Variants in FAM136A observed in about 807,000 individuals in gnomAD.
FAM136A encodes the protein TIM double twin CX3C motif chaperone.
FAM136A carries 25 observed loss-of-function variants against 21.6 expected under a neutral mutation model. The observed-to-expected ratio is 1.16, with a 90% CI of 0.84 to 1.62. FAM136A has a LOEUF of 1.62. Among genes scored for constraint, FAM136A ranks in the 40% most tolerant of loss-of-function variants. The probability of loss-of-function intolerance (pLI) is 0.00; values close to 1 mark genes in which losing one functional copy is unlikely to be tolerated. For synonymous variants in FAM136A, 119 were observed against 129.4 expected (o/e 0.92, Z 0.55); for missense variants, 338 against 332.0 (o/e 1.02, Z -0.14).
At position 70,301,752 on chromosome 2, in the gene FAM136A, G is replaced by C. The variant is rs1382811709; in HGVS notation, c.260C>G (p.Ser87Trp). ...CGGCAAGGGCACACGGATTTCATCC[G>C]ATCCGCCAAAGCTTCCGAAGTCCTG... ...LGQDFGSFGG[S>W]DEIRVPLPCA... The change falls in exon 1 of 3, where the codon TCG becomes TGG. Residue 87 changes from serine (S) to tryptophan (W), a missense_variant. Physicochemically the swap from Ser to Trp is radical, Grantham distance 177. Coordinates refer to ENST00000430566, the MANE Select transcript of FAM136A (RefSeq NM_001329752.2). The C allele has an allele frequency of 6.5e-7, 1 of 1,541,352 alleles. No individual in the cohort carries two copies. Among genetic ancestry groups the C allele is most frequent in the Non-Finnish European group, 8.7e-7 (1 of 1,146,420 alleles).
intron 2 of FAM136A, 109 bp from the exon 3 acceptor site, chr2:70,297,586 G>T: frequency 1.1e-6 from 1 of 936,180 alleles, no homozygotes; most frequent in Non-Finnish European, 1.5e-6. Flanking sequence ...TATTATCTTG[G>T]TCAATTAAAG....
chr2:70,298,216 C>A (rs1304384905), intron 2 of FAM136A, among the ~76,000 whole-genome samples: 1 of 152,130 alleles, frequency 6.6e-6, no homozygotes, highest in African/African-American at 2.4e-5. Flanking sequence ...CCTCAGCCTC[C>A]TGAGTAGCTA....
Position 70,297,215 on chromosome 2 carries a change from A to G in FAM136A, c.*74T>C. ...TTTCTTCATTCGTAAACTTTGCTTA[A>G]AAGACTAAAATTCCCAATTCCTTAT... is the stretch of plus-strand genomic sequence containing the variant. On this transcript the variant is annotated 3_prime_UTR_variant, in exon 3 of 3. Transcript: ENST00000430566. 1.3e-6 allele frequency: 2 copies of G among 1,493,604 alleles called. No individual in the cohort carries two copies. The highest frequency in any genetic ancestry group is 2.1e-5 in the Admixed American group (1 of 47,442). The allele number at this position is 1,493,604 out of a possible 1,614,324, so 92.5% of individuals were successfully genotyped here.
At chr2:70,297,617 C>A in intron 2 of FAM136A, 140 bp from the exon 3 acceptor site, 1 of 543,228 alleles carries the variant, frequency 1.8e-6, no homozygotes. Context: ...GTGTGATTGG[C>A]CAAGTTTTTT....
intron 2 of FAM136A, among the ~76,000 whole-genome samples, chr2:70,299,911 T>A (rs1006069414): frequency 1.3e-5 from 2 of 150,334 alleles, no homozygotes; most frequent in East Asian, 2.0e-4. Context: ...TTATTTATTT[T>A]TTTTTGAGAC....
In FAM136A at chr2:70,301,618, G is replaced by A. The variant is rs1407902056; in HGVS notation, c.394C>T (p.Arg132Trp). The A allele has an allele frequency of 2.6e-6, 4 of 1,535,958 alleles. No individual in the cohort carries two copies. Among genetic ancestry groups the A allele is most frequent in the East Asian group, 4.9e-5 (2 of 40,906 alleles). Reference sequence around the variant, plus strand: ...GGGCCGCTCACCTGCGGAAGGGGCCGCGTAAGAGGGGAAGGTGGTGGGGCG... The same window carrying A: ...GGGCCGCTCACCTGCGGAAGGGGCCACGTAAGAGGGGAAGGTGGTGGGGCG... The part of the protein sequence containing the change: ...ALAPPPSPLT[R>W]PLPQGLMFRC... Residue 132 changes from arginine to tryptophan, a missense_variant, in exon 1 of 3, where the codon CGG (arginine) becomes TGG (tryptophan). Transcript: ENST00000430566.
Position 70,300,888 on chromosome 2 carries a change from A to T in FAM136A, c.501T>A (p.Pro167=). 6.2e-7 allele frequency: 1 copy of T among 1,613,546 alleles called. No individual in the cohort carries two copies. The highest frequency in any genetic ancestry group is 8.5e-7 in the Non-Finnish European group (1 of 1,179,462). Residue 167 remains proline, a synonymous_variant, in exon 2 of 3, where the codon CCT becomes CCA. Coordinates refer to ENST00000430566, the MANE Select transcript of FAM136A (RefSeq NM_001329752.2). ...TGACCAAAGCCTGGGCTTGAGCCAG[A>T]GGCACATGGCAGCGCTCGATGCACT... is the stretch of plus-strand genomic sequence containing the variant. ...VHQCIERCHV[P]LAQAQALVTS...
chr2:70,301,451 GC>G (rs1559054536), intron 1 of FAM136A, 152 bp downstream of exon 1: 1 of 1,535,530 alleles, frequency 6.5e-7, no homozygotes, highest in African/African-American at 1.4e-5. Context: ...GCATTGCGGG[GC>G]TCAGAGAAGA....
chr2:70,301,689 T>C lies in FAM136A; in HGVS notation c.323A>G (p.Gln108Arg), dbSNP rs892551589. ...RLFSAPSSPG[Q>R]ERPRRQVGSP... ...TCCCACCTGCCGCCGAGGACGCTCC[T>C]GCCCCGGGCTGGAAGGGGCGGAAAA... Residue 108 changes from glutamine (Q) to arginine (R), a missense_variant, in exon 1 of 3, where the codon CAG becomes CGG. Physicochemically the swap from Gln to Arg is conservative, Grantham distance 43. Coordinates refer to ENST00000430566, the MANE Select transcript of FAM136A (RefSeq NM_001329752.2). 1.3e-6 allele frequency: 2 copies of C among 1,535,196 alleles called. No homozygotes were observed. The highest frequency in any genetic ancestry group is 4.9e-5 in the East Asian group (2 of 40,904).
chr2:70,301,183 G>C, intron 1 of FAM136A: 1 of 776,304 alleles, frequency 1.3e-6, no homozygotes, highest in Non-Finnish European at 2.0e-6. Flanking sequence ...AGTGTTTCAT[G>C]GTGTCCTTGC....
chr2:70,301,817 G>A lies in FAM136A; in HGVS notation c.195C>T (p.Thr65=). 1 of 1,548,688 alleles carries A rather than the reference G, an allele frequency of 6.5e-7. No individual in the cohort carries two copies. Among genetic ancestry groups the A allele is most frequent in the Non-Finnish European group, 8.7e-7 (1 of 1,145,774 alleles). Residue 65 remains threonine, a synonymous_variant, in exon 1 of 3, where the codon ACC becomes ACT. Coordinates refer to ENST00000430566, the MANE Select transcript of FAM136A (RefSeq NM_001329752.2). ...GGCGACCCCAGGGCCGCCCACACCCGGTCTGCGGGGACGCGGCTGCAGTGC... is the reference window on the plus strand; with the variant it reads ...GGCGACCCCAGGGCCGCCCACACCCAGTCTGCGGGGACGCGGCTGCAGTGC... ...TPCTAAASPQ[T]GCGRPWGRRG... is the part of the protein sequence containing the mutation.
chr2:70,301,584 C>CT lies in FAM136A; in HGVS notation c.408+19dup. ...GTCTTTCACGTTGGCAGCGCCTCTG[C>CT]TGGGCCTCGGGCCGCTCACCTGCGG... is the stretch of plus-strand genomic sequence containing the variant. On this transcript the variant is annotated intron_variant, in intron 1 of 2. Coordinates refer to ENST00000430566, the MANE Select transcript of FAM136A (RefSeq NM_001329752.2). The CT allele has an allele frequency of 6.5e-7, 1 of 1,535,996 alleles. No homozygotes were observed. The highest frequency in any genetic ancestry group is 2.4e-5 in the East Asian group (1 of 40,908).
At position 70,300,967 on chromosome 2, in the gene FAM136A, C is replaced by G. The variant is rs781046919; in HGVS notation, c.422G>C (p.Arg141Pro). ...TRPLPQGLMF[R>P]CSASCCEDSQ... The stretch of plus-strand genomic sequence containing the variant: ...GTCCTCACAACAGCTGGCGCTGCAC[C>G]GGAACATGAGACCCTGGGGAGAAAG... Residue 141 changes from arginine to proline, a missense_variant, in exon 2 of 3, where the codon CGG (arginine) becomes CCG (proline). By Grantham distance (103) the Arg-to-Pro change is moderately radical. Coordinates refer to ENST00000430566, the MANE Select transcript of FAM136A (RefSeq NM_001329752.2). 3 of 1,611,606 alleles carry G rather than the reference C, an allele frequency of 1.9e-6. No individual in the cohort carries two copies. The South Asian group carries it at 3.3e-5, about 18-fold the overall frequency.
Position 70,296,317 on chromosome 2 carries a change from T to G in FAM136A, c.*972A>C, listed in dbSNP as rs886482059. 1 of 159,200 alleles carries G rather than the reference T, an allele frequency of 6.3e-6. No homozygotes were observed. The highest frequency in any genetic ancestry group is 1.4e-5 in the Non-Finnish European group (1 of 72,110). The allele number at this position is 159,200 out of a possible 1,614,324, so 9.9% of individuals were successfully genotyped here. On this transcript the variant is annotated 3_prime_UTR_variant, in exon 3 of 3. Coordinates refer to ENST00000430566, the MANE Select transcript of FAM136A (RefSeq NM_001329752.2). ...GGCTCTGTTAATTCAGGGGGCTAAG[T>G]AGGCAATGCTAGGTGTAGGCTTTCA...
rs144178982 is a variant in FAM136A at position 70,300,873 on chromosome 2, C to G, written c.516G>C (p.Gln172His). Residue 172 changes from glutamine to histidine, a missense_variant, in exon 2 of 3, where the codon CAG (glutamine) becomes CAC (histidine). By Grantham distance (24) the Gln-to-His change is conservative (BLOSUM62 0). Coordinates refer to ENST00000430566, the MANE Select transcript of FAM136A (RefSeq NM_001329752.2). ...ERCHVPLAQA[Q>H]ALVTSELEKF... ...TCTCCAGCTCACTGGTGACCAAAGC[C>G]TGGGCTTGAGCCAGAGGCACATGGC... 55 of 1,613,078 alleles carry G rather than the reference C, an allele frequency of 3.4e-5. No individual in the cohort carries two copies. The African/African-American group carries it at 6.9e-4, about 20-fold the overall frequency.
At position 70,297,315 on chromosome 2, in the gene FAM136A, C is replaced by T. The variant is rs1470395429; in HGVS notation, c.712G>A (p.Glu238Lys). The T allele has an allele frequency of 5.0e-6, 8 of 1,613,978 alleles. No individual in the cohort carries two copies. Among genetic ancestry groups the T allele is most frequent in the Middle Eastern group, 1.7e-4 (1 of 6,058 alleles). Residue 238 changes from glutamate (E) to lysine (K), a missense_variant, in exon 3 of 3, where the codon GAG (glutamate) becomes AAG (lysine). Coordinates refer to ENST00000430566, the MANE Select transcript of FAM136A (RefSeq NM_001329752.2). ...TATTTTCCAATTGATAAGAGAGCCT[C>T]CTTCATCTTCTTGGTCATAGTTGGG... ...LIPTMTKKMK[E>K]ALLSIGK is the part of the protein sequence containing the mutation.
chr2:70,296,134 GGGGCAGGA>G lies in FAM136A; in HGVS notation c.*1147_*1154del, dbSNP rs1697239889. 1 of 149,448 alleles carries G rather than the reference GGGGCAGGA, an allele frequency of 6.7e-6. No individual in the cohort carries two copies. The allele number at this position is 149,448 out of a possible 1,614,324, so 9.3% of individuals were successfully genotyped here. ...TATCAAAACAATAAGGTGCCATGCT[GGGGCAGGA>G]ACACTGCCAGCTGCACAAGCCCCAG... On this transcript the variant is annotated 3_prime_UTR_variant, in exon 3 of 3. Coordinates refer to ENST00000430566, the MANE Select transcript of FAM136A (RefSeq NM_001329752.2).
intron 2 of FAM136A, among the ~76,000 whole-genome samples, chr2:70,299,598 TTTTTA>T (rs758848164): frequency 3.3e-5 from 5 of 152,334 alleles, no homozygotes; most frequent in African/African-American, 7.2e-5. Context: ...TATTTTTTTA[TTTTTA>T]TTTTATTTAT....
Position 70,297,337 on chromosome 2 carries a change from TG to T in FAM136A, c.689del (p.Pro230GlnfsTer3), listed in dbSNP as rs764261137. The T allele has an allele frequency of 6.2e-7, 1 of 1,614,058 alleles. No homozygotes were observed. The highest frequency in any genetic ancestry group is 8.5e-7 in the Non-Finnish European group (1 of 1,179,910). ...CCTCCTTCATCTTCTTGGTCATAGTTGGGATGAGGTGCATGTGGTCATCCAC... is the reference window on the plus strand; with the variant it reads ...CCTCCTTCATCTTCTTGGTCATAGTTGGATGAGGTGCATGTGGTCATCCAC... ...KCVDDHMHLI[P>X]TMTKKMKEAL... On this transcript the variant is annotated frameshift_variant, in exon 3 of 3. Transcript: ENST00000430566. LOFTEE classifies it high-confidence loss of function.
Sources: allele counts gnomAD v4.1 joint callset (sites outside exome capture counted in the v4.1 genomes callset), GRCh38; gene constraint gnomAD v4.1.1; transcripts MANE v1.5; gene names NCBI Gene and HGNC (gene_info 2026-07-23, HGNC 2026-07-21).